Variants in KIF6 observed in about 807,000 individuals in gnomAD.
KIF6 encodes kinesin-like protein KIF6.
A neutral mutation model predicts 112.7 loss-of-function variants in KIF6; 106 were observed. The observed-to-expected ratio is 0.94, with a 90% CI of 0.80 to 1.11. The LOEUF (loss-of-function observed/expected upper bound fraction) is 1.11. KIF6 is among the 50% of genes least tolerant of loss of function. The probability of loss-of-function intolerance (pLI) is 0.00; values close to 1 mark genes in which losing one functional copy is unlikely to be tolerated. For synonymous variants in KIF6, 339 were observed against 339.9 expected (o/e 1.00, Z 0.03); for missense variants, 929 against 964.0 (o/e 0.96, Z 0.48).
At chr6:39,353,260 C>T (rs576142249) in intron 19 of KIF6, among the ~76,000 whole-genome samples, 1 of 152,210 alleles carries the variant, frequency 6.6e-6, no homozygotes, top group South Asian at 2.1e-4. Flanking sequence ...TTTATTTTAG[C>T]CATTCTAATA....
intron 8 of KIF6, 107 bp downstream of exon 8, chr6:39,586,154 G>T (rs1781616325): frequency 3.7e-6 from 4 of 1,070,940 alleles, no homozygotes; most frequent in South Asian, 1.4e-5. Flanking sequence ...CCCTCTGAAG[G>T]CATACCCAGC....
intron 5 of KIF6, among the ~76,000 whole-genome samples, chr6:39,631,721 T>G (rs1784362462): frequency 6.7e-6 from 1 of 148,656 alleles, no homozygotes; most frequent in African/African-American, 2.6e-5. Flanking sequence ...TTTTTTGTTT[T>G]TTTGTTTTTT....
At chr6:39,433,624 G>A (rs1471133153) in intron 13 of KIF6, among the ~76,000 whole-genome samples, 1 of 152,192 alleles carries the variant, frequency 6.6e-6, no homozygotes, top group African/African-American at 2.4e-5. Flanking sequence ...ACAGGTGAAG[G>A]CCATCAGAAT....
intron 13 of KIF6, among the ~76,000 whole-genome samples, chr6:39,495,686 C>G (rs2150482890): frequency 6.6e-6 from 1 of 152,242 alleles, no homozygotes; most frequent in African/African-American, 2.4e-5. Flanking sequence ...GATTAATTTC[C>G]TTTCGGTCAA....
In KIF6 at chr6:39,343,755, G is replaced by A; in HGVS notation, c.2382C>T (p.Asp794=). 6.2e-7 allele frequency: 1 copy of A among 1,613,136 alleles called. No homozygotes were observed. Among genetic ancestry groups the A allele is most frequent in the Admixed American group, 1.7e-5 (1 of 59,768 alleles). ...GTCTGGCCTTGATGAAGGCGATGAT[G>A]TCCGAGTCCGTCTGGCTGTCTCCGG... ...PLTGDSQTDS[D]IIAFIKARQS... Residue 794 remains aspartate (D), a synonymous_variant, in exon 22 of 23, where the codon GAC becomes GAT. Coordinates refer to ENST00000287152, the MANE Select transcript of KIF6 (RefSeq NM_145027.6). This position sits in a 1 kb window ranked among gnomAD's most constrained non-coding sequence, Gnocchi z 4.1.
chr6:39,553,266 T>C (rs963657518), intron 10 of KIF6, among the ~76,000 whole-genome samples: 6 of 152,098 alleles, frequency 3.9e-5, no homozygotes, highest in African/African-American at 1.4e-4. Context: ...AAGTTCATGG[T>C]TTTGGTGATG....
At chr6:39,589,676 C>CG in intron 7 of KIF6, among the ~76,000 whole-genome samples, 1 of 152,166 alleles carries the variant, frequency 6.6e-6, no homozygotes, top group South Asian at 2.1e-4. Context: ...ATCAGATCTG[C>CG]GGGGGGCATG....
At chr6:39,540,713 G>A (rs987199929) in intron 12 of KIF6, among the ~76,000 whole-genome samples, 6 of 152,236 alleles carry the variant, frequency 3.9e-5, no homozygotes, top group African/African-American at 1.4e-4. Context: ...CGGCCGGTGC[G>A]GTGACAAAGG....
rs115337879 is a variant in KIF6 at position 39,565,436 on chromosome 6, G to A, written c.1181+12620C>T. Among the ~76,000 whole-genome samples the A allele has an allele frequency of 3.1e-3, 477 of 152,238 alleles. 2 individuals are homozygous for A. Among genetic ancestry groups the A allele is most frequent in the African/African-American group, 0.011 (442 of 41,548 alleles). ...TCAAGGACTGATAATTAAGGCCTCA[G>A]GACAGATCCAAATCTCCATTTTCCG... On this transcript the variant is annotated intron_variant, in intron 10 of 22. Coordinates refer to ENST00000287152, the MANE Select transcript of KIF6 (RefSeq NM_145027.6).
chr6:39,366,486 A>T (rs767671265), intron 16 of KIF6, among the ~76,000 whole-genome samples: 10 of 152,162 alleles, frequency 6.6e-5, no homozygotes, highest in Non-Finnish European at 1.5e-4. Flanking sequence ...CATGCTGGGG[A>T]TCGGAAGGTG....
chr6:39,509,092 G>C (rs932059227), intron 13 of KIF6, among the ~76,000 whole-genome samples: 2 of 152,196 alleles, frequency 1.3e-5, no homozygotes, highest in Non-Finnish European at 2.9e-5. Context: ...GGCAAGCAGG[G>C]TCTGGAGTGG....
intron 6 of KIF6, among the ~76,000 whole-genome samples, chr6:39,609,596 A>T (rs768312695): frequency 2.0e-5 from 3 of 152,210 alleles, no homozygotes; most frequent in Non-Finnish European, 4.4e-5. Flanking sequence ...AACAGAAGAC[A>T]TGAACAAAAA....
intron 17 of KIF6, among the ~76,000 whole-genome samples, chr6:39,361,408 A>G (rs1335138861): frequency 6.6e-6 from 1 of 151,758 alleles, no homozygotes; most frequent in Non-Finnish European, 1.5e-5. Context: ...AAAAATACAC[A>G]ATTAGCTGGG....
intron 22 of KIF6, among the ~76,000 whole-genome samples, chr6:39,339,557 T>TG (rs1324709985): frequency 6.6e-6 from 1 of 152,074 alleles, no homozygotes; most frequent in East Asian, 1.9e-4. Flanking sequence ...CTTGTGGTTA[T>TG]GGGGGTCGCA....
Position 39,362,472 on chromosome 6 carries a change from C to G in KIF6, c.1908G>C (p.Glu636Asp), listed in dbSNP as rs759902482. 6.2e-7 allele frequency: 1 copy of G among 1,614,020 alleles called. No individual in the cohort carries two copies. The change falls in exon 17 of 23, where the codon GAG (glutamate) becomes GAC (aspartate). Residue 636 changes from glutamate to aspartate, a missense_variant. By Grantham distance (45) the Glu-to-Asp change is conservative. This residue lies in a region of KIF6 where 241 missense variants were observed against 301.4 expected (regional missense o/e 0.80). Transcript: ENST00000287152. ...CCTCCAGTTGTGATCGCAGCTTCTC[C>G]TCCTGCTGGTCTGGCATCAGAGGCA... ...MAVPLMPDQQ[E>D]EKLRSQLEEE...
intron 13 of KIF6, among the ~76,000 whole-genome samples, chr6:39,503,557 T>A (rs1776259875): frequency 6.7e-6 from 1 of 149,536 alleles, no homozygotes. Context: ...TTTGAAAAAA[T>A]TAATAAAAAT....
intron 3 of KIF6, among the ~76,000 whole-genome samples, chr6:39,647,439 A>G (rs1785225083): frequency 6.6e-6 from 1 of 152,128 alleles, no homozygotes; most frequent in African/African-American, 2.4e-5. Context: ...ACTTGATCCC[A>G]TCTTGGTTCC....
intron 10 of KIF6, among the ~76,000 whole-genome samples, chr6:39,575,551 T>G (rs1486114305): frequency 1.3e-5 from 2 of 152,164 alleles, no homozygotes; most frequent in Admixed American, 6.5e-5. Flanking sequence ...ATTACAGGCG[T>G]GAGCCACCAC....
At chr6:39,603,443 C>G (rs755682890) in intron 6 of KIF6, among the ~76,000 whole-genome samples, 2 of 151,956 alleles carry the variant, frequency 1.3e-5, no homozygotes, top group Non-Finnish European at 2.9e-5. Context: ...TAAAAAACCT[C>G]AAATCTCATT....
Sources: gnomAD v4.1 joint callset for allele counts (sites outside exome capture counted in the v4.1 genomes callset) on GRCh38, gnomAD v4.1.1 for gene constraint, gnomAD v4.1.1 regional missense constraint, Gnocchi (gnomAD v3.1) non-coding constraint, MANE v1.5 for transcripts, NCBI Gene and HGNC (gene_info 2026-07-23, HGNC 2026-07-21) for gene names.